Variants in MAML1 observed in about 807,000 individuals in gnomAD.
MAML1 encodes mastermind-like protein 1.
A neutral mutation model predicts 77.1 loss-of-function variants in MAML1; 14 were observed. The ratio of observed to expected loss-of-function variants is 0.18; its 90% CI spans 0.12 to 0.28. MAML1 has a LOEUF of 0.28. Ranked by LOEUF, MAML1 falls within the 10% of genes least tolerant of loss-of-function variation. MAML1 has a pLI of 1.00. For missense variants in MAML1, 1,217 were observed against 1,327.8 expected (o/e 0.92, Z 1.30); for synonymous variants, 516 against 551.9 (o/e 0.93, Z 0.91).
chr5:179,733,145 C>T lies in MAML1; in HGVS notation c.33C>T (p.Phe11=). The change falls in exon 1 of 5, where the codon TTC becomes TTT. Residue 11 remains phenylalanine, a synonymous_variant. Transcript: ENST00000292599. MVLPTCPMAE[F]ALPRHSAVME... ...TGCCCACCTGCCCCATGGCGGAGTT[C>T]GCGCTGCCGCGGCACAGCGCGGTCA... is the stretch of plus-strand genomic sequence containing the variant. 6.9e-7 allele frequency: 1 copy of T among 1,448,468 alleles called. No individual in the cohort carries two copies. Among genetic ancestry groups the T allele is most frequent in the Non-Finnish European group, 9.1e-7 (1 of 1,103,336 alleles). The allele number at this position is 1,448,468 out of a possible 1,614,324, so 89.7% of individuals were successfully genotyped here. A position where few individuals can be genotyped will look rare whatever the true frequency, so the allele number is the denominator to read the frequency against.
rs1779105409 is a variant in MAML1 at position 179,733,366 on chromosome 5, C to T, written c.254C>T (p.Pro85Leu). Residue 85 changes from proline to leucine, a missense_variant, in exon 1 of 5, where the codon CCC (proline) becomes CTC (leucine). Pro to Leu is a moderately conservative substitution (Grantham distance 98). Around this residue, in one of 3 missense-constraint regions of MAML1, gnomAD observed 312 missense variants for 331.4 expected, o/e 0.94. Transcript: ENST00000292599. ...CCGCCCGCCGCCACGGCCCCGGCGC[C>T]CGCCGCCCCGGCCCCGCGCCTGGAC... is the stretch of plus-strand genomic sequence containing the variant. ...RQPPAATAPA[P>L]AAPAPRLDAA... The T allele has an allele frequency of 4.1e-6, 5 of 1,232,524 alleles. No individual in the cohort carries two copies. Among genetic ancestry groups the T allele is most frequent in the Non-Finnish European group, 5.0e-6 (5 of 990,426 alleles). 76.3% of individuals were successfully genotyped at this position (1,232,524 alleles called of 1,614,324 possible).
At chr5:179,749,821 G>A (rs563071454) in intron 1 of MAML1, among the ~76,000 whole-genome samples, 19 of 152,186 alleles carry the variant, frequency 1.2e-4, no homozygotes, top group Non-Finnish European at 2.1e-4. Context: ...GGCAGGCCAT[G>A]GTGAGCTTAG....
chr5:179,759,968 G>A (rs762872403), intron 1 of MAML1, among the ~76,000 whole-genome samples: 1 of 152,176 alleles, frequency 6.6e-6, no homozygotes, highest in East Asian at 1.9e-4. Context: ...AAGGAGGAGC[G>A]GGAGGGAGGC....
chr5:179,768,281 AC>A lies in MAML1; in HGVS notation c.1732-564del, dbSNP rs368301700. ...AGACCAGCGTGACCAACATGGAGAA[AC>A]CCCCATCTCTACTAAAAATACAAAA... On this transcript the variant is annotated intron_variant, in intron 2 of 4. Transcript: ENST00000292599. Among the ~76,000 whole-genome samples, 1,282 of 151,876 alleles carry A rather than the reference AC, an allele frequency of 8.4e-3. 17 individuals carry two copies. Among genetic ancestry groups the A allele is most frequent in the African/African-American group, 0.027 (1,111 of 41,370 alleles).
Position 179,776,571 on chromosome 5 carries a change from A to G in MAML1, c.*1694A>G, listed in dbSNP as rs1581952558. On this transcript the variant is annotated 3_prime_UTR_variant, in exon 5 of 5. Coordinates refer to ENST00000292599, the MANE Select transcript of MAML1 (RefSeq NM_014757.5). ...GAAGGGGTGAATCATAAAGCCAGTG[A>G]AAATTTCACCCTCTGAGGGAGTTCC... 1 of 985,672 alleles carries G rather than the reference A, an allele frequency of 1.0e-6. No homozygotes were observed. Among genetic ancestry groups the G allele is most frequent in the East Asian group, 1.1e-4 (1 of 8,814 alleles). The allele number at this position is 985,672 out of a possible 1,614,324, so 61.1% of individuals were successfully genotyped here. A position where few individuals can be genotyped will look rare whatever the true frequency, so the allele number is the denominator to read the frequency against.
rs1756107853 is a variant in MAML1, at chr5:179,775,168, A to G, written c.*291A>G. ...TTTCTATCCAAACGACCAAAAAACC[A>G]ACAGTAACACCAGTGAAACCCCACA... On this transcript the variant is annotated 3_prime_UTR_variant, in exon 5 of 5. Coordinates refer to ENST00000292599, the MANE Select transcript of MAML1 (RefSeq NM_014757.5). 4 of 1,132,050 alleles carry G rather than the reference A, an allele frequency of 3.5e-6. No individual in the cohort carries two copies. The East Asian group carries it at 1.9e-4, about 54-fold the overall frequency. 70.1% of individuals were successfully genotyped at this position (1,132,050 alleles called of 1,614,324 possible).
intron 1 of MAML1, among the ~76,000 whole-genome samples, chr5:179,761,624 G>A (rs1779728160): frequency 6.6e-6 from 1 of 152,134 alleles, no homozygotes; most frequent in Admixed American, 6.5e-5. Context: ...GAACCTGGGA[G>A]GCAGAGGTTG....
chr5:179,752,342 A>ATATATATATATATATATATAT (rs1351079259), intron 1 of MAML1, among the ~76,000 whole-genome samples: 11 of 86,574 alleles, frequency 1.3e-4, no homozygotes, highest in Middle Eastern at 6.8e-3. Flanking sequence ...AAAAAAAAAA[A>ATATATATATATATATATATAT]AAAAAAAAAT....
At position 179,776,358 on chromosome 5, in the gene MAML1, G is replaced by A. The variant is rs781710917; in HGVS notation, c.*1481G>A. The A allele has an allele frequency of 3.0e-4, 298 of 985,858 alleles. 1 individual carries two copies. The highest frequency in any genetic ancestry group is 1.9e-4 in the Non-Finnish European group (155 of 829,958). The allele number at this position is 985,858 out of a possible 1,614,324, so 61.1% of individuals were successfully genotyped here. On this transcript the variant is annotated 3_prime_UTR_variant, in exon 5 of 5. Coordinates refer to ENST00000292599, the MANE Select transcript of MAML1 (RefSeq NM_014757.5). ...TACTCATGCAACCAGCCTGAGTCGC[G>A]GTGAGGGGACGAGAGGTTGTACACA...
At position 179,733,327 on chromosome 5, in the gene MAML1, G is replaced by T; in HGVS notation, c.215G>T (p.Gly72Val). The stretch of plus-strand genomic sequence containing the variant: ...ATCCAGGCCAAGGCCAAGCGCGCCG[G>T]GAAGCACAGGCAGCCGCCCGCCGCC... ...RCIQAKAKRAGKHRQPPAATA... is the reference protein window; with the variant it reads ...RCIQAKAKRAVKHRQPPAATA... The change falls in exon 1 of 5, where the codon GGG (glycine) becomes GTG (valine). Residue 72 changes from glycine to valine, a missense_variant. Physicochemically the swap from Gly to Val is moderately radical, Grantham distance 109. This residue lies in a region of MAML1 where 312 missense variants were observed against 331.4 expected (regional missense o/e 0.94). Coordinates refer to ENST00000292599, the MANE Select transcript of MAML1 (RefSeq NM_014757.5). The T allele has an allele frequency of 1.5e-6, 2 of 1,371,206 alleles. No homozygotes were observed. Among genetic ancestry groups the T allele is most frequent in the South Asian group, 3.0e-5 (2 of 66,000 alleles). The allele number at this position is 1,371,206 out of a possible 1,614,324, so 84.9% of individuals were successfully genotyped here. A position where few individuals can be genotyped will look rare whatever the true frequency, so the allele number is the denominator to read the frequency against.
At chr5:179,743,356 G>C (rs1323632827) in intron 1 of MAML1, among the ~76,000 whole-genome samples, 2 of 131,422 alleles carry the variant, frequency 1.5e-5, no homozygotes, top group Non-Finnish European at 3.2e-5. Flanking sequence ...CCGACCCCCT[G>C]CCCCACGCTT....
At chr5:179,754,306 A>G (rs967815702) in intron 1 of MAML1, among the ~76,000 whole-genome samples, 2 of 152,064 alleles carry the variant, frequency 1.3e-5, no homozygotes, top group African/African-American at 4.8e-5. Context: ...AATGAATATG[A>G]AATTGAAGGC....
chr5:179,742,775 C>T (rs1252326090), intron 1 of MAML1, among the ~76,000 whole-genome samples: 3 of 152,142 alleles, frequency 2.0e-5, no homozygotes, highest in Non-Finnish European at 4.4e-5. Flanking sequence ...AATTGTACCA[C>T]TGCACTCCAG....
rs1465638130 is a variant in MAML1, at chr5:179,771,349, A to G, written c.2068+106A>G. 1 of 938,200 alleles carries G rather than the reference A, an allele frequency of 1.1e-6. No homozygotes were observed. The highest frequency in any genetic ancestry group is 2.0e-5 in the Admixed American group (1 of 50,706). 58.1% of individuals were successfully genotyped at this position (938,200 alleles called of 1,614,324 possible). A position where few individuals can be genotyped will look rare whatever the true frequency, so the allele number is the denominator to read the frequency against. ...CTATGCCTTGACTTCATCAGGCTGC[A>G]TGCATTGTCATCATATACACCTCAG... On this transcript the variant is annotated intron_variant, in intron 4 of 4. Transcript: ENST00000292599. The surrounding 1 kb of genome is among the most constrained non-coding windows in gnomAD (Gnocchi z 4.7).
chr5:179,762,538 C>T (rs568574997), intron 1 of MAML1, among the ~76,000 whole-genome samples: 1 of 152,350 alleles, frequency 6.6e-6, no homozygotes, highest in Admixed American at 6.5e-5. Flanking sequence ...ACCCTGTACA[C>T]TGCAGAAACT....
At position 179,774,542 on chromosome 5, in the gene MAML1, G is replaced by C; in HGVS notation, c.2716G>C (p.Val906Leu). ...TGCCGTGGGGTCCTTGCTACCCCCA[G>C]TGAGTGCACAGCAGAGGACCAGCGC... The part of the protein sequence containing the change: ...AAAVGSLLPP[V>L]SAQQRTSAPA... Residue 906 changes from valine to leucine, a missense_variant, in exon 5 of 5, where the codon GTG (valine) becomes CTG (leucine). Physicochemically the swap from Val to Leu is conservative, Grantham distance 32 (BLOSUM62 1). Around this residue, in one of 3 missense-constraint regions of MAML1, gnomAD observed 884 missense variants for 949.3 expected, o/e 0.93. Transcript: ENST00000292599. 1 of 1,613,058 alleles carries C rather than the reference G, an allele frequency of 6.2e-7. No individual in the cohort carries two copies. Among genetic ancestry groups the C allele is most frequent in the Non-Finnish European group, 8.5e-7 (1 of 1,179,990 alleles).
intron 1 of MAML1, among the ~76,000 whole-genome samples, chr5:179,751,047 C>T (rs1338639837): frequency 1.3e-5 from 2 of 152,192 alleles, no homozygotes; most frequent in African/African-American, 4.8e-5. Context: ...GATCTTGGCT[C>T]ACTGCAACCT....
At chr5:179,758,685 C>T (rs62406187) in intron 1 of MAML1, among the ~76,000 whole-genome samples, 33,901 of 151,826 alleles carry the variant, frequency 0.22, 4,565 homozygotes, top group Non-Finnish European at 0.3. Context: ...CCACCACACC[C>T]GACCATTTTT....
Position 179,766,077 on chromosome 5 carries a change from C to T in MAML1, c.1067C>T (p.Ala356Val), listed in dbSNP as rs373506544. ...TTCCACACCTCTGGTCAGCCCCGGGCGGACAATCCCAGTCCAAACCTGATG... is the reference window on the plus strand; with the variant it reads ...TTCCACACCTCTGGTCAGCCCCGGGTGGACAATCCCAGTCCAAACCTGATG... ...TLFHTSGQPRADNPSPNLMPA... is the reference protein window; with the variant it reads ...TLFHTSGQPRVDNPSPNLMPA... Residue 356 changes from alanine (A) to valine (V), a missense_variant, in exon 2 of 5, where the codon GCG becomes GTG. Ala to Val is a moderately conservative substitution (Grantham distance 64). Transcript: ENST00000292599. The surrounding 1 kb of genome is among the most constrained non-coding windows in gnomAD (Gnocchi z 4.0). The T allele has an allele frequency of 2.1e-5, 34 of 1,585,912 alleles. No individual in the cohort carries two copies. The East Asian group carries it at 4.5e-4, about 21-fold the overall frequency.
Sources: allele counts gnomAD v4.1 joint callset (sites outside exome capture counted in the v4.1 genomes callset), GRCh38; gene constraint gnomAD v4.1.1; regional missense constraint gnomAD v4.1.1; non-coding constraint Gnocchi (gnomAD v3.1); transcripts MANE v1.5; gene names NCBI Gene and HGNC (gene_info 2026-07-23, HGNC 2026-07-21).